LARGE1: variants seen among roughly 807,000 people sequenced by gnomAD.
The protein encoded by LARGE1 is LARGE xylosyl- and glucuronyltransferase 1, also known as xylosyl- and glucuronyltransferase LARGE1.
A neutral mutation model predicts 87.6 loss-of-function variants in LARGE1; 43 were observed. That is an observed-to-expected ratio of 0.49 (90% CI 0.38 to 0.63). LARGE1 has a LOEUF of 0.63. Ranked by LOEUF, LARGE1 falls within the 30% of genes least tolerant of loss-of-function variation. LARGE1 has a pLI of 0.00. For missense variants in LARGE1, 802 were observed against 1,000.2 expected, an observed-to-expected ratio of 0.80 and a Z score of 2.67; for synonymous variants, 434 against 394.6, an observed-to-expected ratio of 1.10 and a Z score of -1.18.
chr22:33,240,574 G>T (rs1255870083), intron 11 of LARGE1, among the ~76,000 whole-genome samples: 1 of 152,080 alleles, frequency 6.6e-6, no homozygotes, highest in African/African-American at 2.4e-5. Flanking sequence ...TCTTGATAAT[G>T]GTAAGTTTTG....
At chr22:33,158,756 G>T (rs970740957), downstream of LARGE1, among the ~76,000 whole-genome samples, 1 of 152,114 alleles carries the variant, frequency 6.6e-6, no homozygotes, top group Non-Finnish European at 1.5e-5. Context: ...AAACTATCCT[G>T]AGATACAATT....
chr22:33,684,606 C>A (rs2081889467), intron 2 of LARGE1, among the ~76,000 whole-genome samples: 1 of 152,138 alleles, frequency 6.6e-6, no homozygotes, highest in African/African-American at 2.4e-5. Context: ...AAATTGAGAA[C>A]CTAGCTCAGG....
chr22:33,654,082 C>A (rs1414821848), intron 2 of LARGE1, among the ~76,000 whole-genome samples: 1 of 152,082 alleles, frequency 6.6e-6, no homozygotes, highest in Non-Finnish European at 1.5e-5. Context: ...TGCTTTAGAC[C>A]CCAAATGGTT....
At chr22:33,215,503 T>C (rs1925160508) in intron 11 of LARGE1, among the ~76,000 whole-genome samples, 1 of 152,258 alleles carries the variant, frequency 6.6e-6, no homozygotes, top group South Asian at 2.1e-4. Context: ...GAGAATATTT[T>C]ATCCCAGTTT....
At chr22:33,090,023 T>C in the LARGE1 span, among the ~76,000 whole-genome samples, 1 of 150,966 alleles carries the variant, frequency 6.6e-6, no homozygotes, top group Admixed American at 6.6e-5. Context: ...GCCAAGATGG[T>C]GGTGAAACCC....
intron 1 of LARGE1, among the ~76,000 whole-genome samples, chr22:33,831,659 T>C (rs1260707351): frequency 2.0e-5 from 3 of 152,000 alleles, no homozygotes; most frequent in African/African-American, 7.3e-5. Flanking sequence ...GGACAAGAAC[T>C]TGCAGTTTGC....
At chr22:33,792,825 G>A (rs999775200) in intron 1 of LARGE1, among the ~76,000 whole-genome samples, 1 of 152,104 alleles carries the variant, frequency 6.6e-6, no homozygotes, top group African/African-American at 2.4e-5. Context: ...AATTACTCAG[G>A]AGAAAACAGA....
intron 1 of LARGE1, among the ~76,000 whole-genome samples, chr22:33,898,500 A>C (rs2065203447): frequency 6.6e-6 from 1 of 152,244 alleles, no homozygotes; most frequent in East Asian, 1.9e-4. Flanking sequence ...AACGTCTATA[A>C]TCCCAGCACT....
At chr22:33,436,179 A>C (rs746014673) in intron 6 of LARGE1, among the ~76,000 whole-genome samples, 17 of 152,070 alleles carry the variant, frequency 1.1e-4, no homozygotes, top group Non-Finnish European at 2.4e-4. Flanking sequence ...AAATTGCTTA[A>C]CCTATCTCTG....
the LARGE1 span, among the ~76,000 whole-genome samples, chr22:33,156,134 G>A: frequency 6.6e-6 from 1 of 152,222 alleles, no homozygotes; most frequent in Non-Finnish European, 1.5e-5. Context: ...ACCTCTGCTA[G>A]GGCAGTGTGG....
chr22:33,528,676 G>C (rs543015911), intron 6 of LARGE1, among the ~76,000 whole-genome samples: 5 of 152,258 alleles, frequency 3.3e-5, no homozygotes, highest in Admixed American at 6.5e-5. Context: ...TCTCTTGAGA[G>C]GGCTGGTTTT....
intron 4 of LARGE1, among the ~76,000 whole-genome samples, chr22:33,606,040 G>A (rs1043729053): frequency 4.6e-5 from 7 of 152,124 alleles, no homozygotes; most frequent in East Asian, 1.9e-4. Context: ...AGTGGGGGCC[G>A]GGGGCGGAGG....
chr22:33,411,601 T>C (rs558152759), intron 7 of LARGE1, among the ~76,000 whole-genome samples: 1 of 152,340 alleles, frequency 6.6e-6, no homozygotes, highest in African/African-American at 2.4e-5. Flanking sequence ...TAACATTTAA[T>C]ATAGCAGTAC....
chr22:33,666,118 C>G (rs77571933), intron 2 of LARGE1, among the ~76,000 whole-genome samples: 1 of 152,330 alleles, frequency 6.6e-6, no homozygotes, highest in African/African-American at 2.4e-5. Context: ...CAAGATGCCA[C>G]TTGCAGGAAA....
At chr22:33,130,351 A>C in the LARGE1 span, among the ~76,000 whole-genome samples, 2 of 142,260 alleles carry the variant, frequency 1.4e-5, no homozygotes, top group Non-Finnish European at 1.5e-5. Context: ...ATTAGCAGGC[A>C]TGGTGGTGCA....
chr22:33,214,022 G>A (rs1268737706), intron 11 of LARGE1, among the ~76,000 whole-genome samples: 2 of 152,258 alleles, frequency 1.3e-5, no homozygotes, highest in African/African-American at 2.4e-5. Flanking sequence ...TAGAGACAGC[G>A]TTTCACCGTA....
intron 12 of LARGE1, among the ~76,000 whole-genome samples, chr22:33,288,785 A>T (rs1569016831): frequency 6.6e-6 from 1 of 152,086 alleles, no homozygotes; most frequent in Admixed American, 6.6e-5. Context: ...CTTGTCCCCT[A>T]CATGGGCCTG....
At chr22:33,549,146 A>C (rs930918991) in intron 6 of LARGE1, among the ~76,000 whole-genome samples, 3 of 152,138 alleles carry the variant, frequency 2.0e-5, no homozygotes, top group Non-Finnish European at 2.9e-5. Context: ...TCATCTCAAT[A>C]AGGACCCTGC....
chr22:33,305,339 T>TA (rs1709785263), intron 11 of LARGE1, among the ~76,000 whole-genome samples: 2 of 82,320 alleles, frequency 2.4e-5, no homozygotes, highest in Non-Finnish European at 5.0e-5. Flanking sequence ...GGGGGAAAAA[T>TA]AGAGCCCAGG....
Sources: gnomAD v4.1 joint callset for allele counts (sites outside exome capture counted in the v4.1 genomes callset) on GRCh38, gnomAD v4.1.1 for gene constraint, MANE v1.5 for transcripts, NCBI Gene and HGNC (gene_info 2026-07-23, HGNC 2026-07-21) for gene names.